OTOGL: variants seen among roughly 807,000 people sequenced by gnomAD.
OTOGL encodes the protein otogelin-like protein.
A neutral mutation model predicts 318.5 loss-of-function variants in OTOGL; 285 were observed. The ratio of observed to expected loss-of-function variants is 0.89; its 90% CI spans 0.81 to 0.99. OTOGL has a LOEUF of 0.99. Among genes scored for constraint, OTOGL ranks in the 50% least tolerant of loss-of-function variants. OTOGL has a pLI of 0.00. For synonymous variants in OTOGL, 987 were observed against 936.5 expected, an observed-to-expected ratio of 1.05 and a Z score of -0.99; for missense variants, 2,899 against 2,845.6, an observed-to-expected ratio of 1.02 and a Z score of -0.43.
rs1592558383 is a variant in OTOGL, at chr12:80,217,106, G to A, written c.169-492G>A. On this transcript the variant is annotated intron_variant, in intron 4 of 58. Transcript: ENST00000547103. Reference sequence around the variant, plus strand: ...TACCGATTGGTGTGCAGGCAGGCAGGACATCACCATCTGTTGGTCTGTCAG... The same window carrying A: ...TACCGATTGGTGTGCAGGCAGGCAGAACATCACCATCTGTTGGTCTGTCAG... Among the ~76,000 whole-genome samples the A allele has an allele frequency of 1.3e-5, 2 of 152,142 alleles. 1 individual carries two copies. Among genetic ancestry groups the A allele is most frequent in the East Asian group, 3.9e-4 (2 of 5,192 alleles).
rs147327114 is a variant in OTOGL at position 80,109,054 on chromosome 12, G to A, written c.-20+9449G>A. Among the ~76,000 whole-genome samples, 260 of 150,524 alleles carry A rather than the reference G, an allele frequency of 1.7e-3. 2 individuals are homozygous for A. Among genetic ancestry groups the A allele is most frequent in the African/African-American group, 6.1e-3 (251 of 40,994 alleles). ...CTTATATCTTTCTGACTCGTCTCCA[G>A]TCTTTAACCTCTTTTCTCTTTTATG... On this transcript the variant is annotated intron_variant, in intron 1 of 58. Transcript: ENST00000547103.
chr12:80,180,600 G>A (rs1565890255), intron 1 of OTOGL, among the ~76,000 whole-genome samples: 1 of 152,154 alleles, frequency 6.6e-6, no homozygotes, highest in Non-Finnish European at 1.5e-5. Flanking sequence ...GTCAGTTTGT[G>A]AGAAATCGTG....
chr12:80,208,157 A>G (rs372477686), intron 1 of OTOGL: 2 of 507,260 alleles, frequency 3.9e-6, no homozygotes, highest in Non-Finnish European at 7.9e-6. Flanking sequence ...TTTTTCCTTT[A>G]TAGACAAACA....
At chr12:80,373,164 T>C (rs922474257) in intron 57 of OTOGL, among the ~76,000 whole-genome samples, 1 of 152,130 alleles carries the variant, frequency 6.6e-6, no homozygotes, top group Non-Finnish European at 1.5e-5. Flanking sequence ...TTCAGTTTAA[T>C]AATACCATGC....
At position 80,251,753 on chromosome 12, in the gene OTOGL, T is replaced by C. The variant is rs764592001; in HGVS notation, c.1113T>C (p.His371=). The C allele has an allele frequency of 1.6e-4, 256 of 1,593,242 alleles. No individual in the cohort carries two copies. Among genetic ancestry groups the C allele is most frequent in the Non-Finnish European group, 2.0e-4 (237 of 1,168,964 alleles). ...AATEYARACS[H]AGYPIQDWRD... ...CTGAGTATGCTAGAGCCTGCTCTCATGCTGGCTACCCTATTCAAGACTGGA... is the reference window on the plus strand; with the variant it reads ...CTGAGTATGCTAGAGCCTGCTCTCACGCTGGCTACCCTATTCAAGACTGGA... Residue 371 remains histidine, a synonymous_variant, in exon 12 of 59, where the codon CAT becomes CAC. Transcript: ENST00000547103.
chr12:80,377,597 A>G (rs569523525), intron 58 of OTOGL, among the ~76,000 whole-genome samples: 22 of 152,248 alleles, frequency 1.4e-4, no homozygotes, highest in African/African-American at 5.3e-4. Context: ...CATATTCCAT[A>G]TAGATTTATG....
chr12:80,239,017 A>G (rs1389720626), intron 10 of OTOGL, 39 bp downstream of exon 10: 9 of 1,557,730 alleles, frequency 5.8e-6, no homozygotes, highest in Non-Finnish European at 7.8e-6. Flanking sequence ...GTCAGACAGA[A>G]TACACATATA....
At chr12:80,255,807 AT>A (rs1385418938) in intron 16 of OTOGL, among the ~76,000 whole-genome samples, 1 of 151,918 alleles carries the variant, frequency 6.6e-6, no homozygotes, top group Non-Finnish European at 1.5e-5. Context: ...TTCTATTCTA[AT>A]AGAAAATAAT....
At chr12:80,186,630 C>T (rs564602562) in intron 1 of OTOGL, among the ~76,000 whole-genome samples, 14 of 152,206 alleles carry the variant, frequency 9.2e-5, no homozygotes, top group African/African-American at 2.9e-4. Context: ...TATTTTCAGA[C>T]GTATCGCTCA....
At chr12:80,128,621 A>G (rs551768973) in intron 1 of OTOGL, among the ~76,000 whole-genome samples, 1 of 152,266 alleles carries the variant, frequency 6.6e-6, no homozygotes, top group South Asian at 2.1e-4. Flanking sequence ...TTGTTTGGCT[A>G]TGCCCTGCCC....
chr12:80,111,485 C>A (rs1322154548), intron 1 of OTOGL, among the ~76,000 whole-genome samples: 1 of 152,170 alleles, frequency 6.6e-6, no homozygotes, highest in Non-Finnish European at 1.5e-5. Context: ...GTTTTCCCAA[C>A]ACCATTTATT....
At chr12:80,157,698 C>G (rs1919591) in intron 1 of OTOGL, among the ~76,000 whole-genome samples, 73,692 of 151,940 alleles carry the variant, frequency 0.49, 18,016 homozygotes, top group African/African-American at 0.56. Flanking sequence ...TACCCCAGTG[C>G]TTGTTCTTGG....
intron 19 of OTOGL, among the ~76,000 whole-genome samples, chr12:80,263,493 T>C (rs1409476059): frequency 6.6e-6 from 1 of 152,086 alleles, no homozygotes; most frequent in East Asian, 1.9e-4. Context: ...TTTAAATATA[T>C]ACATACACGA....
chr12:80,184,516 G>T (rs549817805), intron 1 of OTOGL, among the ~76,000 whole-genome samples: 1 of 152,266 alleles, frequency 6.6e-6, no homozygotes, highest in South Asian at 2.1e-4. Flanking sequence ...GACAAAAATT[G>T]TTTTCTAAAG....
At chr12:80,288,142 C>T (rs796895769) in intron 26 of OTOGL, among the ~76,000 whole-genome samples, 1 of 152,142 alleles carries the variant, frequency 6.6e-6, no homozygotes, top group Non-Finnish European at 1.5e-5. Context: ...GATTTTAATT[C>T]TCCTTTGCTT....
At chr12:80,336,170 T>C in intron 39 of OTOGL, 30 bp downstream of exon 39, 1 of 602,762 alleles carries the variant, frequency 1.7e-6, no homozygotes, top group South Asian at 3.6e-5. Flanking sequence ...GCGGTGATCT[T>C]TTTTTTTTTT....
At chr12:80,147,724 T>G in intron 1 of OTOGL, among the ~76,000 whole-genome samples, 1 of 152,186 alleles carries the variant, frequency 6.6e-6, no homozygotes, top group Non-Finnish European at 1.5e-5. Flanking sequence ...ACCTGCTTTA[T>G]GAATCTGGGT....
At chr12:80,172,280 A>C (rs1874252424) in intron 1 of OTOGL, among the ~76,000 whole-genome samples, 2 of 140,404 alleles carry the variant, frequency 1.4e-5, no homozygotes, top group Admixed American at 1.4e-4. Context: ...TCACCATAAT[A>C]GGAAGTGATA....
At chr12:80,122,409 T>C (rs1260503601) in intron 1 of OTOGL, among the ~76,000 whole-genome samples, 2 of 152,034 alleles carry the variant, frequency 1.3e-5, no homozygotes, top group African/African-American at 4.8e-5. Flanking sequence ...AAAAAGAAAA[T>C]GAGACTAGCA....
Sources: gnomAD v4.1 joint callset for allele counts (sites outside exome capture counted in the v4.1 genomes callset) on GRCh38, gnomAD v4.1.1 for gene constraint, MANE v1.5 for transcripts, NCBI Gene and HGNC (gene_info 2026-07-23, HGNC 2026-07-21) for gene names.